DCP1A: variants seen among roughly 807,000 people sequenced by gnomAD.
The protein encoded by DCP1A is mRNA-decapping enzyme 1A.
Under a neutral mutation model 58.0 loss-of-function variants are expected in DCP1A, and 20 were observed. The observed-to-expected ratio is 0.34, with a 90% confidence interval of 0.24 to 0.50. The LOEUF (loss-of-function observed/expected upper bound fraction) is 0.50, where lower values mean the gene tolerates loss of function less well. Among genes scored for constraint, DCP1A ranks in the 20% least tolerant of loss-of-function variants. The pLI, the probability that DCP1A is intolerant of heterozygous loss-of-function variation, is 0.98. For synonymous variants in DCP1A, 285 were observed against 275.1 expected (o/e 1.04, Z -0.36); for missense variants, 613 against 712.2 (o/e 0.86, Z 1.59).
intron 3 of DCP1A, among the ~76,000 whole-genome samples, chr3:53,339,655 C>T (rs1553692334): frequency 6.6e-6 from 1 of 152,148 alleles, no homozygotes; most frequent in Admixed American, 6.5e-5. Flanking sequence ...TAGTTAGCTT[C>T]TGGTTACTCA....
intron 4 of DCP1A, among the ~76,000 whole-genome samples, chr3:53,315,460 C>T (rs1474842328): frequency 6.7e-6 from 1 of 149,684 alleles, no homozygotes; most frequent in Non-Finnish European, 1.5e-5. Flanking sequence ...ACTGCTTGAA[C>T]CCAGGAGGGC....
intron 4 of DCP1A, among the ~76,000 whole-genome samples, chr3:53,316,450 A>G (rs1707816163): frequency 6.6e-6 from 1 of 151,550 alleles, no homozygotes; most frequent in Non-Finnish European, 1.5e-5. Context: ...TTTTTTTGAG[A>G]TGGGATCTCA....
intron 6 of DCP1A, among the ~76,000 whole-genome samples, chr3:53,295,403 A>G (rs1266751213): frequency 2.0e-5 from 3 of 152,240 alleles, no homozygotes; most frequent in Non-Finnish European, 4.4e-5. Flanking sequence ...ATCAGTATCT[A>G]ATTTTAGACC....
chr3:53,310,357 G>A (rs1283804318), intron 5 of DCP1A, among the ~76,000 whole-genome samples: 3 of 152,190 alleles, frequency 2.0e-5, no homozygotes, highest in Non-Finnish European at 4.4e-5. Context: ...CAAAGCTAAT[G>A]TCTTATTTCC....
intron 1 of DCP1A, 33 bp from the exon 2 acceptor site, chr3:53,344,975 T>C (rs200461464): frequency 2.9e-4 from 460 of 1,566,776 alleles, no homozygotes; most frequent in Non-Finnish European, 3.6e-4. Context: ...TAGTTTTTTT[T>C]CCCCATAATC....
chr3:53,337,821 C>T (rs1277793140), intron 3 of DCP1A, among the ~76,000 whole-genome samples: 1 of 152,146 alleles, frequency 6.6e-6, no homozygotes, highest in Non-Finnish European at 1.5e-5. Context: ...ATGGCAGCTG[C>T]CAGCACATAC....
rs374749626 is a variant in DCP1A at position 53,287,538 on chromosome 3, C to G, written c.*42G>C. The G allele has an allele frequency of 3.6e-6, 5 of 1,398,098 alleles. No homozygotes were observed. The highest frequency in any genetic ancestry group is 5.1e-6 in the Non-Finnish European group (5 of 985,462). 86.6% of individuals were successfully genotyped at this position (1,398,098 alleles called of 1,614,324 possible). A position where few individuals can be genotyped will look rare whatever the true frequency, so the allele number is the denominator to read the frequency against. On this transcript the variant is annotated 3_prime_UTR_variant, in exon 10 of 10. Coordinates refer to ENST00000610213, the MANE Select transcript of DCP1A (RefSeq NM_018403.7). Reference sequence around the variant, plus strand: ...AGTTTCCATGATGAAGCCTATTTGTCTCTGAGGCTGGGGCTCTGCCTTTAG... The same window carrying G: ...AGTTTCCATGATGAAGCCTATTTGTGTCTGAGGCTGGGGCTCTGCCTTTAG...
At chr3:53,317,291 G>A (rs1441050823) in intron 4 of DCP1A, among the ~76,000 whole-genome samples, 1 of 152,044 alleles carries the variant, frequency 6.6e-6, no homozygotes, top group African/African-American at 2.4e-5. Flanking sequence ...TCAGCCTCCC[G>A]AGTAGCTGGG....
At chr3:53,322,473 A>G (rs1421327268) in intron 3 of DCP1A, among the ~76,000 whole-genome samples, 1 of 151,468 alleles carries the variant, frequency 6.6e-6, no homozygotes, top group Admixed American at 6.6e-5. Context: ...AAAATTATAT[A>G]TATATATATG....
intron 3 of DCP1A, chr3:53,329,402 A>G (rs2358733): frequency 3.3e-5 from 13 of 398,502 alleles, no homozygotes; most frequent in African/African-American, 2.7e-4. Context: ...AAAAGTGATA[A>G]GTGAAGCAGA....
chr3:53,292,950 C>T (rs572321591), intron 6 of DCP1A, 123 bp from the exon 7 acceptor site: 91 of 995,660 alleles, frequency 9.1e-5, no homozygotes, highest in Admixed American at 3.6e-4. Flanking sequence ...AAATAAGGAA[C>T]GGAAAAAACT....
At chr3:53,294,654 C>T (rs1707055110) in intron 6 of DCP1A, among the ~76,000 whole-genome samples, 1 of 152,204 alleles carries the variant, frequency 6.6e-6, no homozygotes, top group Admixed American at 6.5e-5. Context: ...TATCAACCAC[C>T]CACAGGCAGG....
chr3:53,336,115 CTTTTT>C (rs2089110408), intron 3 of DCP1A, among the ~76,000 whole-genome samples: 1 of 148,504 alleles, frequency 6.7e-6, no homozygotes, highest in African/African-American at 2.5e-5. Flanking sequence ...TTATTCTTTT[CTTTTT>C]GAGATGGAGT....
rs782393066 is a variant in DCP1A at position 53,292,795 on chromosome 3, T to C, written c.657A>G (p.Val219=). The C allele has an allele frequency of 4.3e-6, 7 of 1,610,396 alleles. No individual in the cohort carries two copies. The highest frequency in any genetic ancestry group is 1.1e-5 in the South Asian group (1 of 91,090). The change falls in exon 7 of 10, where the codon GTA becomes GTG. Residue 219 remains valine, a synonymous_variant. Transcript: ENST00000610213. ...GCAAAGAGGTTCCAAATAACTCTTC[T>C]ACCGTCAGATGCTTGTGTCCAGATG... ...SAPSGHKHLT[V]EELFGTSLPK... is the part of the protein sequence containing the mutation.
chr3:53,299,550 G>C lies in DCP1A; in HGVS notation c.624+4627C>G, dbSNP rs187016841. On this transcript the variant is annotated intron_variant, in intron 6 of 9. Coordinates refer to ENST00000610213, the MANE Select transcript of DCP1A (RefSeq NM_018403.7). The stretch of plus-strand genomic sequence containing the variant: ...TTTTACATGTCTGTTTGGAGCTACT[G>C]GTCACTGCAGTGGGCACACTATAAG... 8.5e-5 allele frequency among the ~76,000 whole-genome samples: 13 copies of C among 152,244 alleles called. No homozygotes were observed. In the East Asian group the frequency reaches 2.5e-3, roughly 29 times the overall value.
chr3:53,320,475 A>G (rs1330187718), intron 3 of DCP1A, among the ~76,000 whole-genome samples: 3 of 152,230 alleles, frequency 2.0e-5, no homozygotes, highest in Non-Finnish European at 4.4e-5. Context: ...GACACACCTC[A>G]GCATACCTTG....
intron 3 of DCP1A, among the ~76,000 whole-genome samples, chr3:53,339,541 T>C (rs1399970870): frequency 6.6e-6 from 1 of 152,220 alleles, no homozygotes; most frequent in Non-Finnish European, 1.5e-5. Flanking sequence ...ATCTGCTTGA[T>C]TTTCAGAAAA....
At chr3:53,311,821 C>A (rs1391143266) in intron 5 of DCP1A, among the ~76,000 whole-genome samples, 4 of 152,186 alleles carry the variant, frequency 2.6e-5, no homozygotes, top group Admixed American at 2.6e-4. Context: ...CACTCCAAGA[C>A]CATCTTCTCC....
intron 5 of DCP1A, among the ~76,000 whole-genome samples, chr3:53,310,684 A>C (rs953197178): frequency 7.2e-5 from 11 of 152,220 alleles, no homozygotes; most frequent in African/African-American, 2.7e-4. Flanking sequence ...AGAATCGATT[A>C]ATTTATTAGA....
Sources: gnomAD v4.1 joint callset for allele counts (sites outside exome capture counted in the v4.1 genomes callset) on GRCh38, gnomAD v4.1.1 for gene constraint, MANE v1.5 for transcripts, NCBI Gene and HGNC (gene_info 2026-07-23, HGNC 2026-07-21) for gene names.